The following FBXL7 variants were observed in gnomAD, a reference collection of about 807,000 sequenced individuals.
FBXL7 encodes the protein F-box and leucine rich repeat protein 7.
FBXL7 carries 12 observed loss-of-function variants against 38.3 expected under a neutral mutation model. The observed-to-expected ratio is 0.31, with a 90% CI of 0.20 to 0.51. The LOEUF (loss-of-function observed/expected upper bound fraction) is 0.51. FBXL7 is among the 20% of genes least tolerant of loss of function. FBXL7 has a pLI of 0.98. For synonymous variants in FBXL7, 297 were observed against 300.9 expected (o/e 0.99, Z 0.13); for missense variants, 567 against 676.4 (o/e 0.84, Z 1.79).
At chr5:15,737,160 TC>T (rs1245239906) in intron 2 of FBXL7, among the ~76,000 whole-genome samples, 1 of 152,110 alleles carries the variant, frequency 6.6e-6, no homozygotes, top group East Asian at 1.9e-4. Flanking sequence ...TAGTCACCTC[TC>T]CCTGATCTCC....
chr5:15,540,402 A>G (rs1737708301), intron 1 of FBXL7, among the ~76,000 whole-genome samples: 1 of 152,268 alleles, frequency 6.6e-6, no homozygotes, highest in Middle Eastern at 3.4e-3. Flanking sequence ...AAATCTCTAC[A>G]ACCCAATTTC....
intron 2 of FBXL7, among the ~76,000 whole-genome samples, chr5:15,666,073 G>A (rs763359140): frequency 1.3e-5 from 2 of 151,990 alleles, no homozygotes; most frequent in Non-Finnish European, 2.9e-5. Context: ...CTATTGAATA[G>A]GTCATGACTG....
chr5:15,575,502 C>G (rs1428043143), intron 1 of FBXL7, among the ~76,000 whole-genome samples: 1 of 152,096 alleles, frequency 6.6e-6, no homozygotes, highest in African/African-American at 2.4e-5. Flanking sequence ...CCTTTGAGTT[C>G]TGTTGTGTTA....
At chr5:15,508,071 A>G (rs1170743251) in intron 1 of FBXL7, among the ~76,000 whole-genome samples, 2 of 152,064 alleles carry the variant, frequency 1.3e-5, no homozygotes, top group Non-Finnish European at 2.9e-5. Flanking sequence ...TAAGTCAAAA[A>G]TGCATTTAAT....
intron 2 of FBXL7, among the ~76,000 whole-genome samples, chr5:15,662,093 C>A (rs1435305008): frequency 6.6e-6 from 1 of 152,162 alleles, no homozygotes; most frequent in African/African-American, 2.4e-5. Flanking sequence ...TTTTAGGAAT[C>A]GCCATATTGC....
At chr5:15,543,887 TTG>T (rs1737827141) in intron 1 of FBXL7, among the ~76,000 whole-genome samples, 1 of 152,178 alleles carries the variant, frequency 6.6e-6, no homozygotes, top group African/African-American at 2.4e-5. Context: ...TGCATTTTCT[TTG>T]TGCTCTGTCA....
At chr5:15,612,949 T>C (rs1265543059) in intron 1 of FBXL7, among the ~76,000 whole-genome samples, 1 of 152,238 alleles carries the variant, frequency 6.6e-6, no homozygotes, top group African/African-American at 2.4e-5. Context: ...ACTAATGCTG[T>C]TAATTTGAAT....
chr5:15,821,402 C>G (rs1402835600), intron 2 of FBXL7, among the ~76,000 whole-genome samples: 1 of 152,136 alleles, frequency 6.6e-6, no homozygotes, highest in African/African-American at 2.4e-5. Flanking sequence ...TGTAACATGA[C>G]AGCTCTCAAA....
intron 2 of FBXL7, among the ~76,000 whole-genome samples, chr5:15,620,402 TTTTGTTTTTTG>T (rs1580412585): frequency 1.5e-5 from 2 of 137,664 alleles, no homozygotes; most frequent in South Asian, 4.6e-4. Context: ...CCAGCTAATT[TTTTGTTTTTTG>T]TTTTTTTTTT....
intron 2 of FBXL7, among the ~76,000 whole-genome samples, chr5:15,633,739 A>ATAT (rs35409501): frequency 0.11 from 15,648 of 143,304 alleles, 915 homozygotes; most frequent in Admixed American, 0.17. Flanking sequence ...AGGGACACAG[A>ATAT]TATTATTATT....
intron 2 of FBXL7, among the ~76,000 whole-genome samples, chr5:15,757,253 G>C (rs1736322091): frequency 1.3e-5 from 2 of 152,034 alleles, no homozygotes; most frequent in African/African-American, 4.8e-5. Context: ...AAAAATTATT[G>C]AAATAATGTA....
intron 1 of FBXL7, among the ~76,000 whole-genome samples, chr5:15,564,754 C>G (rs974503454): frequency 2.0e-5 from 3 of 152,092 alleles, no homozygotes; most frequent in African/African-American, 4.8e-5. Flanking sequence ...CTACAGAAAT[C>G]CATTTAGCCA....
chr5:15,783,585 G>C (rs1372865510), intron 2 of FBXL7, among the ~76,000 whole-genome samples: 1 of 152,124 alleles, frequency 6.6e-6, no homozygotes, highest in Admixed American at 6.6e-5. Context: ...AGGTCAGAAG[G>C]AGTAGCAAGA....
intron 2 of FBXL7, among the ~76,000 whole-genome samples, chr5:15,917,643 AGGGAAGGAAGGAAGGAAGGAAGG>A (rs1741621742): frequency 1.7e-5 from 1 of 58,486 alleles, no homozygotes; most frequent in East Asian, 4.5e-4. Context: ...AAAGGAAGGG[AGGGAAGGAAGGAAGGAAGGAAGG>A]AAGGAAGGAA....
chr5:15,608,505 A>G (rs760189859), intron 1 of FBXL7, among the ~76,000 whole-genome samples: 7 of 152,190 alleles, frequency 4.6e-5, no homozygotes, highest in Non-Finnish European at 7.3e-5. Context: ...TGGCCAGGCT[A>G]TAGTACCAAG....
intron 2 of FBXL7, among the ~76,000 whole-genome samples, chr5:15,724,105 T>C (rs966178968): frequency 1.3e-5 from 2 of 152,212 alleles, no homozygotes; most frequent in African/African-American, 4.8e-5. Flanking sequence ...AAAGTTTGAA[T>C]GAAACTTCAT....
intron 2 of FBXL7, among the ~76,000 whole-genome samples, chr5:15,819,407 G>A (rs1190019630): frequency 6.6e-6 from 1 of 151,990 alleles, no homozygotes; most frequent in Non-Finnish European, 1.5e-5. Context: ...CCAAACATCT[G>A]GATGTTTGGA....
At chr5:15,535,865 C>A (rs1229449979) in intron 1 of FBXL7, among the ~76,000 whole-genome samples, 2 of 152,206 alleles carry the variant, frequency 1.3e-5, no homozygotes, top group Non-Finnish European at 2.9e-5. Context: ...ATGTTAATTG[C>A]CAAGATGATG....
intron 2 of FBXL7, among the ~76,000 whole-genome samples, chr5:15,707,866 A>G (rs1451682448): frequency 6.6e-6 from 1 of 152,100 alleles, no homozygotes; most frequent in Non-Finnish European, 1.5e-5. Flanking sequence ...CAAGTAGCCA[A>G]AGCTAGGATG....
Sources: allele counts gnomAD v4.1 joint callset (sites outside exome capture counted in the v4.1 genomes callset), GRCh38; gene constraint gnomAD v4.1.1; transcripts MANE v1.5; gene names NCBI Gene and HGNC (gene_info 2026-07-23, HGNC 2026-07-21).